DOCK8: variants seen among roughly 807,000 people sequenced by gnomAD.
The protein encoded by DOCK8 is dedicator of cytokinesis 8, also known as dedicator of cytokinesis protein 8.
DOCK8 carries 141 observed loss-of-function variants against 245.6 expected under a neutral mutation model. The observed-to-expected ratio is 0.57, with a 90% CI of 0.50 to 0.66. DOCK8 has a LOEUF of 0.66. Among genes scored for constraint, DOCK8 ranks in the 30% least tolerant of loss-of-function variants. The probability of loss-of-function intolerance (pLI) is 0.00; values close to 1 mark genes in which losing one functional copy is unlikely to be tolerated. For missense variants in DOCK8, 2,965 were observed against 2,603.4 expected (o/e 1.14, Z -3.02); for synonymous variants, 1,168 against 970.2 (o/e 1.20, Z -3.79).
At chr9:312,203 G>A (rs2050152092) in intron 6 of DOCK8, 37 bp downstream of exon 6, 1 of 1,606,486 alleles carries the variant, frequency 6.2e-7, no homozygotes, top group Non-Finnish European at 8.5e-7. Context: ...GAATCTCAGT[G>A]AAGACTCTGA....
intron 26 of DOCK8, 79 bp from the exon 27 acceptor site, chr9:404,839 G>C: frequency 6.7e-7 from 1 of 1,487,792 alleles, no homozygotes; most frequent in Admixed American, 1.7e-5. Context: ...GGAGAGAAAG[G>C]ATATTTTTGT....
chr9:248,684 T>C (rs990464213), intron 1 of DOCK8, among the ~76,000 whole-genome samples: 4 of 152,178 alleles, frequency 2.6e-5, no homozygotes, highest in Non-Finnish European at 5.9e-5. Flanking sequence ...GCATGAGTGA[T>C]GCCACCTTTA....
chr9:232,890 G>A (rs201104188), intron 1 of DOCK8, among the ~76,000 whole-genome samples: 7 of 152,056 alleles, frequency 4.6e-5, no homozygotes, highest in East Asian at 1.9e-4. Context: ...TTGTGTTTCT[G>A]TTTCCTTCAG....
In DOCK8 at chr9:363,212, G is replaced by A. The variant is rs529245398; in HGVS notation, c.1680-4806G>A. On this transcript the variant is annotated intron_variant, in intron 14 of 47. Coordinates refer to ENST00000432829, the MANE Select transcript of DOCK8 (RefSeq NM_203447.4). ...AAAAAAACCACTTTTGTCCACATTTGGGGAAAGATAAGATTATACTAAATG... is the reference window on the plus strand; with the variant it reads ...AAAAAAACCACTTTTGTCCACATTTAGGGAAAGATAAGATTATACTAAATG... Among the ~76,000 whole-genome samples, 5 of 152,242 alleles carry A rather than the reference G, an allele frequency of 3.3e-5. No individual in the cohort carries two copies. The South Asian group carries it at 1.0e-3, about 32-fold the overall frequency.
At chr9:443,005 C>T (rs999930410) in intron 42 of DOCK8, among the ~76,000 whole-genome samples, 1 of 152,152 alleles carries the variant, frequency 6.6e-6, no homozygotes, top group Admixed American at 6.5e-5. Context: ...AGCAATTGAC[C>T]CCAGTCCACT....
chr9:434,732 TG>T, intron 38 of DOCK8, 50 bp from the exon 39 acceptor site: 1 of 1,584,556 alleles, frequency 6.3e-7, no homozygotes, highest in South Asian at 1.1e-5. Context: ...AGAAGAACAG[TG>T]TCATTAACCC....
chr9:441,806 GC>G, intron 41 of DOCK8, 68 bp from the exon 42 acceptor site: 1 of 1,597,006 alleles, frequency 6.3e-7, no homozygotes, highest in Non-Finnish European at 8.6e-7. Flanking sequence ...AGAGACCCCT[GC>G]CCTTTGCAAC....
intron 2 of DOCK8, among the ~76,000 whole-genome samples, chr9:273,790 AATTCTCCT>A (rs2048233685): frequency 2.6e-5 from 1 of 38,854 alleles, no homozygotes; most frequent in African/African-American, 3.3e-4. Flanking sequence ...TAGTTCAAGC[AATTCTCCT>A]GTAGTTCAAG....
rs770889218 is a variant in DOCK8, at chr9:390,586, G to A, written c.2970+20G>A. On this transcript the variant is annotated intron_variant, in intron 24 of 47. Coordinates refer to ENST00000432829, the MANE Select transcript of DOCK8 (RefSeq NM_203447.4). Reference sequence around the variant, plus strand: ...CTTCTGGTGAGATTCTTGCGCGTTTGTATCTGTGCTCAATAGGCCAAGAGA... The same window carrying A: ...CTTCTGGTGAGATTCTTGCGCGTTTATATCTGTGCTCAATAGGCCAAGAGA... 12 of 1,609,180 alleles carry A rather than the reference G, an allele frequency of 7.5e-6. No individual in the cohort carries two copies. The East Asian group carries it at 1.1e-4, about 15-fold the overall frequency.
At chr9:212,826 T>G (rs1214579320), upstream of DOCK8, 3 of 152,234 alleles carry the variant, frequency 2.0e-5, no homozygotes, top group Non-Finnish European at 4.4e-5. Context: ...TCTGAGATGC[T>G]TTCATTACAT....
At chr9:423,531 T>C (rs2056362856) in intron 33 of DOCK8, among the ~76,000 whole-genome samples, 1 of 152,224 alleles carries the variant, frequency 6.6e-6, no homozygotes, top group African/African-American at 2.4e-5. Context: ...TGAGTTAATA[T>C]CTTTATTGTT....
At chr9:336,858 A>G (rs903210275) in intron 12 of DOCK8, 140 bp downstream of exon 12, 8 of 1,064,912 alleles carry the variant, frequency 7.5e-6, no homozygotes, top group Middle Eastern at 3.0e-4. Context: ...GCTGCTTATA[A>G]TAGAGTATCT....
At chr9:365,485 C>G (rs1273989912) in intron 14 of DOCK8, 1 of 417,538 alleles carries the variant, frequency 2.4e-6, no homozygotes, top group Admixed American at 3.2e-5. Context: ...AAAAATCATG[C>G]CTTTAGAAGC....
chr9:221,205 C>T (rs1029662893), intron 1 of DOCK8, among the ~76,000 whole-genome samples: 10 of 152,058 alleles, frequency 6.6e-5, no homozygotes, highest in Admixed American at 5.2e-4. Context: ...TGTCATGTCC[C>T]ACTGCATTAT....
chr9:378,623 A>T (rs987347488), intron 20 of DOCK8, among the ~76,000 whole-genome samples: 1 of 152,228 alleles, frequency 6.6e-6, no homozygotes, highest in Non-Finnish European at 1.5e-5. Flanking sequence ...CATATGTGGC[A>T]CACTGCTTTG....
chr9:359,673 A>G (rs915698107), intron 14 of DOCK8, among the ~76,000 whole-genome samples: 2 of 152,170 alleles, frequency 1.3e-5, no homozygotes, highest in Non-Finnish European at 2.9e-5. Context: ...GGATCAGTCT[A>G]TTTACAACAA....
At chr9:364,168 G>A (rs994630344) in intron 14 of DOCK8, among the ~76,000 whole-genome samples, 2 of 152,112 alleles carry the variant, frequency 1.3e-5, no homozygotes, top group East Asian at 1.9e-4. Flanking sequence ...TGACCTGAAC[G>A]CTTATTTTTA....
chr9:211,834 C>T (rs1203274359), upstream of DOCK8, among the ~76,000 whole-genome samples: 1 of 152,170 alleles, frequency 6.6e-6, no homozygotes, highest in Non-Finnish European at 1.5e-5. Context: ...CTTTTCCCTC[C>T]ACTGGATGAC....
At chr9:233,481 A>G (rs1369788189) in intron 1 of DOCK8, among the ~76,000 whole-genome samples, 1 of 152,020 alleles carries the variant, frequency 6.6e-6, no homozygotes, top group African/African-American at 2.4e-5. Flanking sequence ...TGATCTGTCT[A>G]ATGTTGACAG....
Sources: allele counts gnomAD v4.1 joint callset (sites outside exome capture counted in the v4.1 genomes callset), GRCh38; gene constraint gnomAD v4.1.1; transcripts MANE v1.5; gene names NCBI Gene and HGNC (gene_info 2026-07-23, HGNC 2026-07-21).